The following NAALADL2 variants were observed in gnomAD, a reference collection of about 807,000 sequenced individuals.
NAALADL2 encodes inactive N-acetylated-alpha-linked acidic dipeptidase-like protein 2.
In NAALADL2, 76 loss-of-function variants were observed where a neutral mutation model predicts 87.2. That is an observed-to-expected ratio of 0.87 (90% CI 0.72 to 1.05). The LOEUF is 1.05. Among genes scored for constraint, NAALADL2 ranks in the 50% least tolerant of loss-of-function variants. NAALADL2 has a pLI of 0.00. For missense variants in NAALADL2, 1,089 were observed against 945.8 expected (o/e 1.15, Z -1.99); for synonymous variants, 354 against 331.0 (o/e 1.07, Z -0.75).
chr3:174,542,019 A>T (rs1333649853), intron 1 of NAALADL2, among the ~76,000 whole-genome samples: 1 of 152,162 alleles, frequency 6.6e-6, no homozygotes, highest in Non-Finnish European at 1.5e-5. Context: ...GGCCAACAAT[A>T]ATTATACCCA....
intron 2 of NAALADL2, among the ~76,000 whole-genome samples, chr3:174,606,261 G>T (rs531702937): frequency 2.0e-5 from 3 of 152,220 alleles, no homozygotes; most frequent in Non-Finnish European, 2.9e-5. Flanking sequence ...AAAGCAGAGC[G>T]CCTCTCCTCC....
At chr3:175,719,481 G>C (rs1031797831) in intron 11 of NAALADL2, among the ~76,000 whole-genome samples, 1 of 152,116 alleles carries the variant, frequency 6.6e-6, no homozygotes, top group Admixed American at 6.6e-5. Flanking sequence ...GAATCTCCAA[G>C]TTAGAAACAT....
At chr3:175,786,926 TAACA>T (rs1752059894) in intron 13 of NAALADL2, among the ~76,000 whole-genome samples, 1 of 152,158 alleles carries the variant, frequency 6.6e-6, no homozygotes, top group Non-Finnish European at 1.5e-5. Context: ...GTTTTCCTTC[TAACA>T]GACAGGACCC....
intron 2 of NAALADL2, among the ~76,000 whole-genome samples, chr3:175,224,243 C>G (rs560803940): frequency 1.3e-5 from 2 of 152,158 alleles, no homozygotes; most frequent in East Asian, 3.9e-4. Flanking sequence ...TTCTTATGAT[C>G]AGGCAGTTTG....
rs368302045 is a variant in NAALADL2, at chr3:175,657,579, GT to G, written c.1896+30207del. On this transcript the variant is annotated intron_variant, in intron 11 of 13. Transcript: ENST00000454872. ...GTTGGAAAAAAATACTCATTTTACT[GT>G]TTTTTTTTTTTTTCTTTTGAGACGG... 2.2e-3 allele frequency among the ~76,000 whole-genome samples: 315 copies of G among 141,076 alleles called. 2 individuals carry two copies. The highest frequency in any genetic ancestry group is 9.6e-3 in the East Asian group (47 of 4,884). 92.6% of individuals were successfully genotyped at this position (141,076 alleles called of 152,430 possible). A position where few individuals can be genotyped will look rare whatever the true frequency, so the allele number is the denominator to read the frequency against.
intron 10 of NAALADL2, among the ~76,000 whole-genome samples, chr3:175,603,750 C>T (rs115486814): frequency 0.013 from 1,933 of 152,152 alleles, 50 homozygotes; most frequent in African/African-American, 0.045. Context: ...TTATTAGCTA[C>T]TGAGAATAAC....
At chr3:175,244,149 GTTGA>G (rs1314298617) in intron 3 of NAALADL2, among the ~76,000 whole-genome samples, 1 of 152,086 alleles carries the variant, frequency 6.6e-6, no homozygotes, top group Non-Finnish European at 1.5e-5. Context: ...TAGCATGGTT[GTTGA>G]TTATTTATTT....
At chr3:175,553,012 G>C (rs1325777518) in intron 9 of NAALADL2, among the ~76,000 whole-genome samples, 1 of 151,980 alleles carries the variant, frequency 6.6e-6, no homozygotes, top group African/African-American at 2.4e-5. Flanking sequence ...TAAAGATTTA[G>C]ATTTACCCTT....
intron 2 of NAALADL2, among the ~76,000 whole-genome samples, chr3:175,212,569 C>T (rs568757475): frequency 4.6e-4 from 70 of 151,606 alleles, no homozygotes; most frequent in African/African-American, 1.6e-3. Flanking sequence ...TTCTTCTTCC[C>T]TCTCCTCATC....
At chr3:175,256,700 C>A in intron 4 of NAALADL2, 170 bp downstream of exon 4, 2 of 471,480 alleles carry the variant, frequency 4.2e-6, no homozygotes, top group Non-Finnish European at 7.3e-6. Context: ...GGCTTTTCCA[C>A]ATTAGAACAT....
intron 11 of NAALADL2, among the ~76,000 whole-genome samples, chr3:175,683,715 C>A (rs1735912565): frequency 6.6e-6 from 1 of 151,840 alleles, no homozygotes; most frequent in African/African-American, 2.4e-5. Context: ...GTGGGGCTTT[C>A]TTTTAGTTTC....
chr3:175,648,361 T>C (rs372694953), intron 11 of NAALADL2, among the ~76,000 whole-genome samples: 3 of 151,952 alleles, frequency 2.0e-5, no homozygotes, highest in South Asian at 2.1e-4. Context: ...ATAAAATTTA[T>C]GGTGTAAAGA....
intron 11 of NAALADL2, among the ~76,000 whole-genome samples, chr3:175,649,547 A>T (rs1040249214): frequency 6.6e-6 from 1 of 152,230 alleles, no homozygotes; most frequent in Non-Finnish European, 1.5e-5. Context: ...AGGTGCCAGG[A>T]GGGTTGGTAT....
chr3:174,792,310 G>GGGAA (rs1225797144), intron 3 of NAALADL2, among the ~76,000 whole-genome samples: 3 of 151,888 alleles, frequency 2.0e-5, no homozygotes, highest in Non-Finnish European at 2.9e-5. Flanking sequence ...GAGGCAGGCA[G>GGGAA]GGAAGGAAGG....
intron 5 of NAALADL2, among the ~76,000 whole-genome samples, chr3:175,399,353 G>A (rs112057315): frequency 1.9e-3 from 284 of 152,124 alleles, no homozygotes; most frequent in African/African-American, 6.3e-3. Flanking sequence ...CTAACTTTCC[G>A]GGAATGCAGC....
In NAALADL2 at chr3:175,267,074, A is replaced by G. The variant is rs967414918; in HGVS notation, c.939+10544A>G. ...GTGCTAATTGATCAATTAAAATTCA[A>G]TTGGCCCTTCTTCCAATTATACTAT... On this transcript the variant is annotated intron_variant, in intron 4 of 13. Coordinates refer to ENST00000454872, the MANE Select transcript of NAALADL2 (RefSeq NM_207015.3). Among the ~76,000 whole-genome samples the G allele has an allele frequency of 2.1e-4, 32 of 152,040 alleles. No individual in the cohort carries two copies. In the Middle Eastern group the frequency reaches 0.017, roughly 81 times the overall value.
chr3:174,931,775 G>A (rs1579591915), intron 1 of NAALADL2, among the ~76,000 whole-genome samples: 1 of 152,204 alleles, frequency 6.6e-6, no homozygotes, highest in African/African-American at 2.4e-5. Flanking sequence ...AGCATTTGGT[G>A]AAAAAAGAGG....
intron 9 of NAALADL2, among the ~76,000 whole-genome samples, chr3:175,550,456 G>A (rs1714156896): frequency 6.6e-6 from 1 of 151,998 alleles, no homozygotes; most frequent in Non-Finnish European, 1.5e-5. Flanking sequence ...ACAACATGAA[G>A]GCAAATATTA....
intron 9 of NAALADL2, among the ~76,000 whole-genome samples, chr3:175,473,917 A>G (rs1028188965): frequency 1.3e-5 from 2 of 152,214 alleles, no homozygotes; most frequent in African/African-American, 4.8e-5. Context: ...TTGAGTGTAC[A>G]CACAGTAGTG....
Sources: gnomAD v4.1 joint callset for allele counts (sites outside exome capture counted in the v4.1 genomes callset) on GRCh38, gnomAD v4.1.1 for gene constraint, MANE v1.5 for transcripts, NCBI Gene and HGNC (gene_info 2026-07-23, HGNC 2026-07-21) for gene names.